ITGBL1: variants seen among roughly 807,000 people sequenced by gnomAD.
ITGBL1 encodes the protein integrin beta-like protein 1.
ITGBL1 carries 51 observed loss-of-function variants against 68.5 expected under a neutral mutation model. The ratio of observed to expected loss-of-function variants is 0.74; its 90% confidence interval spans 0.59 to 0.94. The LOEUF (loss-of-function observed/expected upper bound fraction) is 0.94. Ranked by LOEUF, ITGBL1 falls within the 40% of genes least tolerant of loss-of-function variation. ITGBL1 has a pLI of 0.00. For synonymous variants in ITGBL1, 209 were observed against 227.3 expected (o/e 0.92, Z 0.72); for missense variants, 649 against 647.4 (o/e 1.00, Z -0.03).
chr13:101,460,791 T>A (rs79924917), intron 2 of ITGBL1, among the ~76,000 whole-genome samples: 4 of 17,228 alleles, frequency 2.3e-4, no homozygotes, highest in Non-Finnish European at 4.6e-4. Flanking sequence ...TGGCAAGAGA[T>A]AGAGGGAGGG....
intron 2 of ITGBL1, among the ~76,000 whole-genome samples, chr13:101,473,440 C>T (rs1233637048): frequency 6.6e-6 from 1 of 152,308 alleles, no homozygotes; most frequent in Non-Finnish European, 1.5e-5. Context: ...CAGCTGATGC[C>T]TACAGACAGA....
At chr13:101,554,468 G>A (rs992508700) in intron 2 of ITGBL1, among the ~76,000 whole-genome samples, 3 of 152,178 alleles carry the variant, frequency 2.0e-5, no homozygotes, top group African/African-American at 7.2e-5. Context: ...TGTGGTCAAT[G>A]GTGGGCAGTC....
rs984120046 is a variant in ITGBL1 at position 101,608,362 on chromosome 13, G to C, written c.1015+10063G>C. On this transcript the variant is annotated intron_variant, in intron 7 of 10. Coordinates refer to ENST00000376180, the MANE Select transcript of ITGBL1 (RefSeq NM_004791.3). ...TTTCAGAGAAGTTTTCATGATACAT[G>C]CTTTCTTTCCTTTTTTTTTTTCTTT... 2.7e-5 allele frequency among the ~76,000 whole-genome samples: 4 copies of C among 150,044 alleles called. No homozygotes were observed. The East Asian group carries it at 5.9e-4, about 22-fold the overall frequency.
intron 2 of ITGBL1, among the ~76,000 whole-genome samples, chr13:101,458,986 G>A (rs2048282884): frequency 1.3e-5 from 2 of 152,118 alleles, no homozygotes; most frequent in Non-Finnish European, 2.9e-5. Context: ...ATATGAATTA[G>A]TGTCCAAGGA....
chr13:101,452,810 C>T lies in ITGBL1; in HGVS notation c.-24C>T. On this transcript the variant is annotated 5_prime_UTR_variant, in exon 1 of 11. Transcript: ENST00000376180. ...CCCCACCTTGCAGAAGTGCAGCTCG[C>T]CCGGAGCAGCCCAGGAGCTCAGCAT... The T allele has an allele frequency of 5.0e-6, 8 of 1,603,600 alleles. No homozygotes were observed. The highest frequency in any genetic ancestry group is 6.8e-6 in the Non-Finnish European group (8 of 1,170,844).
At chr13:101,478,885 C>T (rs901938477) in intron 2 of ITGBL1, among the ~76,000 whole-genome samples, 1 of 151,944 alleles carries the variant, frequency 6.6e-6, no homozygotes, top group African/African-American at 2.4e-5. Context: ...TCCATACTAC[C>T]CAAAGCAATC....
rs554897822 is a variant in ITGBL1, at chr13:101,495,011, A to G, written c.316+40911A>G. Among the ~76,000 whole-genome samples the G allele has an allele frequency of 3.1e-4, 47 of 152,288 alleles. 1 individual carries two copies. The highest frequency in any genetic ancestry group is 2.7e-3 in the Admixed American group (42 of 15,296). ...GGGGATTATTTCACACAAGTGCTAT[A>G]TTTCTCTACTTCCCATGATTGACAT... On this transcript the variant is annotated intron_variant, in intron 2 of 10. Transcript: ENST00000376180.
chr13:101,678,480 G>C (rs2033559117), intron 7 of ITGBL1, among the ~76,000 whole-genome samples: 2 of 151,316 alleles, frequency 1.3e-5, no homozygotes, highest in Admixed American at 6.6e-5. Flanking sequence ...TGTGTATTAA[G>C]GAAGTGACAG....
chr13:101,616,593 C>T (rs886156288), intron 7 of ITGBL1, among the ~76,000 whole-genome samples: 3 of 152,074 alleles, frequency 2.0e-5, no homozygotes, highest in East Asian at 1.9e-4. Context: ...CAGGTTGAAG[C>T]GATTCTCCTG....
chr13:101,623,858 CTGGCCTTCTGGGCCTGTTTT>C (rs1266305913), intron 7 of ITGBL1, among the ~76,000 whole-genome samples: 2 of 152,184 alleles, frequency 1.3e-5, no homozygotes, highest in East Asian at 3.8e-4. Flanking sequence ...GGTATACCTT[CTGGCCTTCTGGGCCTGTTTT>C]TGGCCTTCTG....
rs187785043 is a variant in ITGBL1, at chr13:101,606,118, A to G, written c.1015+7819A>G. Among the ~76,000 whole-genome samples, 89 of 145,448 alleles carry G rather than the reference A, an allele frequency of 6.1e-4. No homozygotes were observed. In the East Asian group the frequency reaches 0.016, roughly 27 times the overall value. On this transcript the variant is annotated intron_variant, in intron 7 of 10. Coordinates refer to ENST00000376180, the MANE Select transcript of ITGBL1 (RefSeq NM_004791.3). ...ATATATGCTCTCTCTCTCTCTATAT[A>G]TATATATAGCCTTCACGTGGTCCCT...
At chr13:101,469,547 G>A (rs1566688152) in intron 2 of ITGBL1, among the ~76,000 whole-genome samples, 1 of 152,286 alleles carries the variant, frequency 6.6e-6, no homozygotes, top group South Asian at 2.1e-4. Context: ...GCTGGGCATG[G>A]TGGTGGGTGC....
intron 2 of ITGBL1, among the ~76,000 whole-genome samples, chr13:101,491,235 G>A (rs568044987): frequency 6.6e-6 from 1 of 152,180 alleles, no homozygotes; most frequent in South Asian, 2.1e-4. Flanking sequence ...CCTCTGCAAG[G>A]TCAGGAGATA....
chr13:101,538,582 A>G (rs554246453), intron 2 of ITGBL1, among the ~76,000 whole-genome samples: 1 of 152,288 alleles, frequency 6.6e-6, no homozygotes, highest in African/African-American at 2.4e-5. Context: ...TAACACGAAC[A>G]TAATAAACAA....
intron 2 of ITGBL1, among the ~76,000 whole-genome samples, chr13:101,502,417 CATTT>C (rs1432511895): frequency 1.3e-5 from 2 of 152,108 alleles, no homozygotes; most frequent in Non-Finnish European, 2.9e-5. Flanking sequence ...CCTAGTCCTT[CATTT>C]ATTTATTCAC....
chr13:101,458,238 AG>A (rs2139615948), intron 2 of ITGBL1, among the ~76,000 whole-genome samples: 1 of 152,372 alleles, frequency 6.6e-6, no homozygotes, highest in East Asian at 1.9e-4. Context: ...TATGGCTAAA[AG>A]TTCTTGAGAA....
At chr13:101,680,586 A>G (rs749181860) in intron 7 of ITGBL1, among the ~76,000 whole-genome samples, 1 of 151,784 alleles carries the variant, frequency 6.6e-6, no homozygotes, top group Non-Finnish European at 1.5e-5. Context: ...AACAAATTGT[A>G]TGTGAGTAAT....
intron 2 of ITGBL1, among the ~76,000 whole-genome samples, chr13:101,535,347 AGAGCTCCAG>A: frequency 6.6e-6 from 1 of 152,088 alleles, no homozygotes; most frequent in Non-Finnish European, 1.5e-5. Context: ...CCACTCTTTC[AGAGCTCCAG>A]GAGGCTGTGT....
chr13:101,569,355 C>T (rs527652885), intron 3 of ITGBL1, among the ~76,000 whole-genome samples: 5 of 152,154 alleles, frequency 3.3e-5, no homozygotes, highest in East Asian at 1.9e-4. Context: ...ACATGTAATT[C>T]ACCACATTAA....
Sources: gnomAD v4.1 joint callset for allele counts (sites outside exome capture counted in the v4.1 genomes callset) on GRCh38, gnomAD v4.1.1 for gene constraint, MANE v1.5 for transcripts, NCBI Gene and HGNC (gene_info 2026-07-23, HGNC 2026-07-21) for gene names.